The following CD2 variants were observed in gnomAD, a reference collection of about 807,000 sequenced individuals.
CD2 encodes CD2 molecule, also known as T-cell surface antigen CD2.
CD2 carries 18 observed loss-of-function variants against 23.2 expected under a neutral mutation model. The ratio of observed to expected loss-of-function variants is 0.77; its 90% CI spans 0.54 to 1.15. CD2 has a LOEUF of 1.15. Among genes scored for constraint, CD2 ranks in the 50% most tolerant of loss-of-function variants. CD2 has a pLI of 0.00. For missense variants in CD2, 424 were observed against 423.1 expected, an observed-to-expected ratio of 1.00 and a Z score of -0.02; for synonymous variants, 162 against 151.9, an observed-to-expected ratio of 1.07 and a Z score of -0.49.
intron 3 of CD2, 80 bp downstream of exon 3, chr1:116,760,712 G>A (rs1652023284): frequency 4.6e-6 from 5 of 1,092,598 alleles, no homozygotes; most frequent in African/African-American, 1.5e-5. Context: ...GGTCACAGGT[G>A]CTCATGCTGG....
At chr1:116,759,018 G>A (rs1037211438) in intron 2 of CD2, among the ~76,000 whole-genome samples, 11 of 151,850 alleles carry the variant, frequency 7.2e-5, no homozygotes, top group South Asian at 4.2e-4. Flanking sequence ...ACACTAAAAC[G>A]GCCTTTAGTA....
At chr1:116,754,583 C>T (rs750952835) in intron 1 of CD2, 30 bp downstream of exon 1, 1 of 1,610,458 alleles carries the variant, frequency 6.2e-7, no homozygotes. Context: ...AAGTCCCAAC[C>T]CAGCTTTCCC....
intron 4 of CD2, among the ~76,000 whole-genome samples, chr1:116,767,030 A>G (rs1256963725): frequency 1.3e-5 from 2 of 152,198 alleles, no homozygotes; most frequent in Non-Finnish European, 2.9e-5. Flanking sequence ...GACATAACCT[A>G]AGCAATGACT....
intron 2 of CD2, among the ~76,000 whole-genome samples, chr1:116,759,915 T>C (rs1651985118): frequency 6.6e-6 from 1 of 152,188 alleles, no homozygotes; most frequent in South Asian, 2.1e-4. Flanking sequence ...GTCAATGTGG[T>C]GATTCCTCCA....
rs892662293 is a variant in CD2 at position 116,760,586 on chromosome 1, G to A, written c.567G>A (p.Gly189=). 2 of 1,614,156 alleles carry A rather than the reference G, an allele frequency of 1.2e-6. No individual in the cohort carries two copies. The highest frequency in any genetic ancestry group is 8.5e-7 in the Non-Finnish European group (1 of 1,180,018). Reference sequence around the variant, plus strand: ...GTGCAAAATTCAAGTGCACAGCAGGGAACAAAGTCAGCAAGGAATCCAGTG... The same window carrying A: ...GTGCAAAATTCAAGTGCACAGCAGGAAACAAAGTCAGCAAGGAATCCAGTG... ...SLSAKFKCTA[G]NKVSKESSVE... Residue 189 remains glycine (G), a synonymous_variant, in exon 3 of 5, where the codon GGG becomes GGA. Transcript: ENST00000369478.
chr1:116,768,933 C>T lies in CD2; in HGVS notation c.*150C>T. On this transcript the variant is annotated 3_prime_UTR_variant, in exon 5 of 5. Coordinates refer to ENST00000369478, the MANE Select transcript of CD2 (RefSeq NM_001767.5). The stretch of plus-strand genomic sequence containing the variant: ...CCACAGCCACCTCTGCATCTTCGAA[C>T]TCAGCCATGTGGTCAACATCTGGAG... 1 of 738,066 alleles carries T rather than the reference C, an allele frequency of 1.4e-6. No individual in the cohort carries two copies. Among genetic ancestry groups the T allele is most frequent in the South Asian group, 1.9e-5 (1 of 52,912 alleles). 45.7% of individuals were successfully genotyped at this position (738,066 alleles called of 1,614,324 possible).
In CD2 at chr1:116,760,404, A is replaced by T. The variant is rs1432922443; in HGVS notation, c.385A>T (p.Arg129Trp). Residue 129 changes from arginine (R) to tryptophan (W), a missense_variant and splice_region_variant, in exon 3 of 5, where the codon AGG (arginine) becomes TGG (tryptophan). Transcript: ENST00000369478. ...CTGAATCTTTACTTTCTTTTTAGAGAGGGTCTCAAAACCAAAGATCTCCTG... is the reference window on the plus strand; with the variant it reads ...CTGAATCTTTACTTTCTTTTTAGAGTGGGTCTCAAAACCAAAGATCTCCTG... ...EKIFDLKIQERVSKPKISWTC... is the reference protein window; with the variant it reads ...EKIFDLKIQEWVSKPKISWTC... 4 of 1,611,916 alleles carry T rather than the reference A, an allele frequency of 2.5e-6. No individual in the cohort carries two copies. In the African/African-American group the frequency reaches 4.0e-5, roughly 16 times the overall value.
intron 2 of CD2, among the ~76,000 whole-genome samples, chr1:116,760,156 G>A (rs1003259722): frequency 1.3e-5 from 2 of 152,174 alleles, no homozygotes; most frequent in Admixed American, 6.5e-5. Flanking sequence ...GTATAAGACA[G>A]CATATAAACA....
intron 3 of CD2, 47 bp from the exon 4 acceptor site, chr1:116,764,437 C>T (rs774179889): frequency 6.3e-6 from 10 of 1,599,658 alleles, no homozygotes; most frequent in Admixed American, 1.7e-5. Flanking sequence ...GTAATGGGCT[C>T]TCTGCCTGGA....
At chr1:116,759,541 T>C (rs759510483) in intron 2 of CD2, among the ~76,000 whole-genome samples, 3 of 152,114 alleles carry the variant, frequency 2.0e-5, no homozygotes, top group Non-Finnish European at 4.4e-5. Context: ...TTTCCTTTTG[T>C]GGTGCAATCT....
At chr1:116,763,010 C>T (rs774315877) in intron 3 of CD2, among the ~76,000 whole-genome samples, 1 of 152,244 alleles carries the variant, frequency 6.6e-6, no homozygotes. Context: ...TGCCCCACCC[C>T]GGGTCAAATC....
At chr1:116,765,657 C>T (rs746835386) in intron 4 of CD2, among the ~76,000 whole-genome samples, 20 of 152,220 alleles carry the variant, frequency 1.3e-4, no homozygotes, top group Non-Finnish European at 2.4e-4. Context: ...ACAGCAGAAT[C>T]GCTGGCAGGG....
At chr1:116,768,191 G>C (rs1437131627) in intron 4 of CD2, among the ~76,000 whole-genome samples, 2 of 152,146 alleles carry the variant, frequency 1.3e-5, no homozygotes, top group Non-Finnish European at 2.9e-5. Context: ...TGCTCTCTCT[G>C]ATCATGGGAG....
Position 116,764,534 on chromosome 1 carries a change from C to A in CD2, c.664C>A (p.Leu222Ile), listed in dbSNP as rs375969497. 7.1e-4 allele frequency: 1,153 copies of A among 1,614,038 alleles called. 12 individuals are homozygous for A. The South Asian group carries it at 0.011, about 16-fold the overall frequency. The change falls in exon 4 of 5, where the codon CTC becomes ATC. Residue 222 changes from leucine (L) to isoleucine (I), a missense_variant. Transcript: ENST00000369478. The part of the protein sequence containing the change: ...LIIGICGGGS[L>I]LMVFVALLVF... ...CATTGGCATATGTGGAGGAGGCAGC[C>A]TCTTGATGGTCTTTGTGGCACTGCT...
chr1:116,764,729 G>A (rs1358975387), intron 4 of CD2, 123 bp downstream of exon 4: 4 of 756,674 alleles, frequency 5.3e-6, no homozygotes, highest in South Asian at 4.9e-5. Context: ...GAATGTCAGG[G>A]TTGTAGTCAG....
In CD2 at chr1:116,760,505, G is replaced by GA; in HGVS notation, c.489dup (p.His164ThrfsTer83). The GA allele has an allele frequency of 1.2e-6, 2 of 1,614,150 alleles. No individual in the cohort carries two copies. Among genetic ancestry groups the GA allele is most frequent in the Non-Finnish European group, 8.5e-7 (1 of 1,180,012 alleles). Reference sequence around the variant, plus strand: ...CCGAATTAAACCTGTATCAAGATGGGAAACATCTAAAACTTTCTCAGAGGG... The same window carrying GA: ...CCGAATTAAACCTGTATCAAGATGGGAAAACATCTAAAACTTTCTCAGAGGG... On this transcript the variant is annotated frameshift_variant, in exon 3 of 5. Transcript: ENST00000369478. LOFTEE classifies it high-confidence loss of function.
At chr1:116,755,910 T>C (rs1651831985) in intron 2 of CD2, among the ~76,000 whole-genome samples, 1 of 152,104 alleles carries the variant, frequency 6.6e-6, no homozygotes, top group South Asian at 2.1e-4. Context: ...TGCGCTTGAC[T>C]TGGGGAGGCA....
In CD2 at chr1:116,754,807, GA is replaced by G; in HGVS notation, c.243del (p.Asp82IlefsTer11). ...QFRKEKETFK[E>X]KDTYKLFKNG... The stretch of plus-strand genomic sequence containing the variant: ...CAGAAAAGAGAAAGAGACTTTCAAG[GA>G]AAAAGATACATATAAGCTATTTAAA... On this transcript the variant is annotated frameshift_variant, in exon 2 of 5. Coordinates refer to ENST00000369478, the MANE Select transcript of CD2 (RefSeq NM_001767.5). LOFTEE classifies it high-confidence loss of function. 1 of 1,612,650 alleles carries G rather than the reference GA, an allele frequency of 6.2e-7. No individual in the cohort carries two copies. Among genetic ancestry groups the G allele is most frequent in the Non-Finnish European group, 8.5e-7 (1 of 1,179,506 alleles).
At chr1:116,756,380 G>A (rs1390602633) in intron 2 of CD2, among the ~76,000 whole-genome samples, 3 of 152,082 alleles carry the variant, frequency 2.0e-5, no homozygotes, top group Non-Finnish European at 2.9e-5. Context: ...TACCAGTTAG[G>A]GGTCAAGTGC....
Sources: gnomAD v4.1 joint callset for allele counts (sites outside exome capture counted in the v4.1 genomes callset) on GRCh38, gnomAD v4.1.1 for gene constraint, MANE v1.5 for transcripts, NCBI Gene and HGNC (gene_info 2026-07-23, HGNC 2026-07-21) for gene names.